The following GAD2 variants were observed in gnomAD, a reference collection of about 807,000 sequenced individuals.
The protein encoded by GAD2 is 65 kDa glutamic acid decarboxylase.
Under a neutral mutation model 80.1 loss-of-function variants are expected in GAD2, and 22 were observed. The observed-to-expected ratio is 0.27, with a 90% CI of 0.20 to 0.39. The LOEUF (loss-of-function observed/expected upper bound fraction) is 0.39, where lower values mean the gene tolerates loss of function less well. Ranked by LOEUF, GAD2 falls within the 10% of genes least tolerant of loss-of-function variation. GAD2 has a pLI of 1.00. For synonymous variants in GAD2, 274 were observed against 256.9 expected (o/e 1.07, Z -0.64); for missense variants, 624 against 738.4 (o/e 0.85, Z 1.80).
chr10:26,242,805 T>C (rs769152524), intron 7 of GAD2, among the ~76,000 whole-genome samples: 12 of 152,226 alleles, frequency 7.9e-5, no homozygotes, highest in Non-Finnish European at 1.5e-4. Context: ...CATTAAAGAC[T>C]AGACAAGAAT....
At chr10:26,296,771 T>G (rs557275709) in intron 15 of GAD2, among the ~76,000 whole-genome samples, 1 of 152,338 alleles carries the variant, frequency 6.6e-6, no homozygotes, top group Admixed American at 6.5e-5. Context: ...AGTCCTACAC[T>G]GATTGGAGGA....
At chr10:26,235,031 C>A (rs1187661786) in intron 7 of GAD2, among the ~76,000 whole-genome samples, 1 of 152,146 alleles carries the variant, frequency 6.6e-6, no homozygotes, top group African/African-American at 2.4e-5. Context: ...TGCCACCACA[C>A]CTGGCTAATT....
chr10:26,298,933 C>G (rs951002074), intron 15 of GAD2, among the ~76,000 whole-genome samples: 1 of 152,036 alleles, frequency 6.6e-6, no homozygotes, highest in Non-Finnish European at 1.5e-5. Context: ...TTATTTATTC[C>G]CTGGGATGAG....
rs527590973 is a variant in GAD2 at position 26,246,070 on chromosome 10, T to C, written c.920+70T>C. On this transcript the variant is annotated intron_variant, in intron 8 of 15. Coordinates refer to ENST00000376261, the MANE Select transcript of GAD2 (RefSeq NM_001134366.2). ...TCCACACAAGTAGTGCCTTTTGGTC[T>C]GAAAATAGGAGAGGACCACGGGGCA... 13 of 1,324,412 alleles carry C rather than the reference T, an allele frequency of 9.8e-6. No homozygotes were observed. In the African/African-American group the frequency reaches 1.9e-4, roughly 19 times the overall value. The allele number at this position is 1,324,412 out of a possible 1,614,324, so 82.0% of individuals were successfully genotyped here.
intron 9 of GAD2, among the ~76,000 whole-genome samples, chr10:26,269,384 A>C (rs560907568): frequency 6.6e-6 from 1 of 152,388 alleles, no homozygotes; most frequent in South Asian, 2.1e-4. Flanking sequence ...TAAATATTAT[A>C]TACAGAGATA....
At position 26,217,895 on chromosome 10, in the gene GAD2, C is replaced by A. The variant is rs1313726527; in HGVS notation, c.190C>A (p.Pro64Thr). 4 of 1,608,058 alleles carry A rather than the reference C, an allele frequency of 2.5e-6. No individual in the cohort carries two copies. The African/African-American group carries it at 5.3e-5, about 21-fold the overall frequency. ...KPAESGGSQPPRAAARKAACA... is the reference protein window; with the variant it reads ...KPAESGGSQPTRAAARKAACA... Reference sequence around the variant, plus strand: ...GGCGGAGAGCGGCGGGAGCCAACCCCCGCGGGCCGCCGCCCGGAAGGCCGC... The same window carrying A: ...GGCGGAGAGCGGCGGGAGCCAACCCACGCGGGCCGCCGCCCGGAAGGCCGC... Residue 64 changes from proline to threonine, a missense_variant, in exon 3 of 16, where the codon CCG (proline) becomes ACG (threonine). Transcript: ENST00000376261. The surrounding 1 kb of genome is among the most constrained non-coding windows in gnomAD (Gnocchi z 4.9).
intron 11 of GAD2, 139 bp downstream of exon 11, chr10:26,273,839 G>T: frequency 1.6e-6 from 1 of 625,210 alleles, no homozygotes; most frequent in Non-Finnish European, 2.8e-6. Flanking sequence ...GCCTTATGTG[G>T]TATTACACTC....
chr10:26,246,997 T>A (rs367658421), intron 8 of GAD2, among the ~76,000 whole-genome samples: 1 of 152,040 alleles, frequency 6.6e-6, no homozygotes, highest in Non-Finnish European at 1.5e-5. Context: ...CTGATCCACA[T>A]CCCAAGAGAG....
chr10:26,299,190 G>A (rs1834304711), intron 15 of GAD2, among the ~76,000 whole-genome samples: 1 of 152,184 alleles, frequency 6.6e-6, no homozygotes, highest in Non-Finnish European at 1.5e-5. Flanking sequence ...GACCCAATGG[G>A]AACATTGCTA....
intron 7 of GAD2, among the ~76,000 whole-genome samples, chr10:26,239,497 T>C (rs1844715285): frequency 6.6e-6 from 1 of 152,210 alleles, no homozygotes; most frequent in Admixed American, 6.5e-5. Context: ...AGGCAATAAA[T>C]AGTGACATTT....
Position 26,216,823 on chromosome 10 carries a change from G to C in GAD2, c.14G>C (p.Gly5Ala). ...TCTCCAAAGCCGATGGCATCTCCGGGCTCTGGCTTTTGGTCTTTCGGGTCG... is the reference window on the plus strand; with the variant it reads ...TCTCCAAAGCCGATGGCATCTCCGGCCTCTGGCTTTTGGTCTTTCGGGTCG... MASP[G>A]SGFWSFGSED... The change falls in exon 1 of 16, where the codon GGC becomes GCC. Residue 5 changes from glycine to alanine, a missense_variant. Transcript: ENST00000376261. The surrounding 1 kb of genome is among the most constrained non-coding windows in gnomAD (Gnocchi z 4.7). The C allele has an allele frequency of 6.2e-7, 1 of 1,612,768 alleles. No individual in the cohort carries two copies.
intron 12 of GAD2, among the ~76,000 whole-genome samples, chr10:26,285,840 A>AT (rs1564671516): frequency 6.6e-6 from 1 of 152,160 alleles, no homozygotes; most frequent in Admixed American, 6.5e-5. Flanking sequence ...TGATTTCCAA[A>AT]GGGAGCTCAA....
intron 7 of GAD2, among the ~76,000 whole-genome samples, chr10:26,240,373 T>G (rs1844725286): frequency 6.6e-6 from 1 of 152,210 alleles, no homozygotes; most frequent in Non-Finnish European, 1.5e-5. Context: ...ATTACAAATA[T>G]TTTATAATTA....
chr10:26,260,868 T>A lies in GAD2; in HGVS notation c.921-8251T>A, dbSNP rs533129232. ...TTATTATTCATGTTTTCATTTACAG[T>A]TTGATAATTAGCAAAGCTGAGTATT... On this transcript the variant is annotated intron_variant, in intron 8 of 15. Coordinates refer to ENST00000376261, the MANE Select transcript of GAD2 (RefSeq NM_001134366.2). Among the ~76,000 whole-genome samples the A allele has an allele frequency of 3.3e-5, 5 of 152,316 alleles. No individual in the cohort carries two copies. In the South Asian group the frequency reaches 1.0e-3, roughly 32 times the overall value.
At position 26,223,901 on chromosome 10, in the gene GAD2, T is replaced by C. The variant is rs745501249; in HGVS notation, c.535T>C (p.Phe179Leu). ...ATTTTATTCAGGGCATCCTAGATAC[T>C]TCAATCAACTTTCTACTGGTTTGGA... ...YAIKTGHPRY[F>L]NQLSTGLDMV... is the part of the protein sequence containing the mutation. The change falls in exon 5 of 16, where the codon TTC becomes CTC. Residue 179 changes from phenylalanine to leucine, a missense_variant. Phe to Leu is a conservative substitution (Grantham distance 22, BLOSUM62 0). Coordinates refer to ENST00000376261, the MANE Select transcript of GAD2 (RefSeq NM_001134366.2). The C allele has an allele frequency of 6.2e-7, 1 of 1,608,394 alleles. No individual in the cohort carries two copies. The highest frequency in any genetic ancestry group is 1.7e-5 in the Admixed American group (1 of 59,384).
intron 11 of GAD2, among the ~76,000 whole-genome samples, chr10:26,275,881 G>A (rs1278417769): frequency 6.6e-6 from 1 of 152,220 alleles, no homozygotes; most frequent in African/African-American, 2.4e-5. Context: ...GCACAAGGGG[G>A]CCGGGCACGG....
At chr10:26,276,019 G>C (rs999750007) in intron 11 of GAD2, among the ~76,000 whole-genome samples, 1 of 151,976 alleles carries the variant, frequency 6.6e-6, no homozygotes, top group Non-Finnish European at 1.5e-5. Flanking sequence ...AATTAGCCAG[G>C]CATGGTGGTA....
intron 11 of GAD2, among the ~76,000 whole-genome samples, chr10:26,274,362 C>T (rs1845174765): frequency 6.6e-6 from 1 of 152,216 alleles, no homozygotes; most frequent in African/African-American, 2.4e-5. Flanking sequence ...GCATAAAGCA[C>T]ATTCAGGTCC....
In GAD2 at chr10:26,224,181, A is replaced by T. The variant is rs541121584; in HGVS notation, c.611+204A>T. The stretch of plus-strand genomic sequence containing the variant: ...TGTAATCAAACTCTACAAAATTTTT[A>T]AAATACAAAAGAGACTTTTTTCTCA... On this transcript the variant is annotated intron_variant, in intron 5 of 15. Transcript: ENST00000376261. 4.6e-4 allele frequency among the ~76,000 whole-genome samples: 69 copies of T among 151,050 alleles called. No homozygotes were observed. In the East Asian group the frequency reaches 8.9e-3, roughly 20 times the overall value.
Sources: gnomAD v4.1 joint callset for allele counts (sites outside exome capture counted in the v4.1 genomes callset) on GRCh38, gnomAD v4.1.1 for gene constraint, Gnocchi (gnomAD v3.1) non-coding constraint, MANE v1.5 for transcripts, NCBI Gene and HGNC (gene_info 2026-07-23, HGNC 2026-07-21) for gene names.